The following VPS13B variants were observed in gnomAD, a reference collection of about 807,000 sequenced individuals.
The protein encoded by VPS13B is intermembrane lipid transfer protein VPS13B.
In VPS13B, 285 loss-of-function variants were observed where a neutral mutation model predicts 426.4. The observed-to-expected ratio is 0.67, with a 90% confidence interval of 0.61 to 0.74. The LOEUF (loss-of-function observed/expected upper bound fraction) is 0.74. Ranked by LOEUF, VPS13B falls within the 30% of genes least tolerant of loss-of-function variation. VPS13B has a pLI of 0.00. For missense variants in VPS13B, 4,537 were observed against 4,782.6 expected (o/e 0.95, Z 1.51); for synonymous variants, 1,676 against 1,676.4 (o/e 1.00, Z 0.01).
intron 2 of VPS13B, among the ~76,000 whole-genome samples, chr8:99,020,194 A>G (rs765656805): frequency 1.3e-4 from 19 of 151,862 alleles, no homozygotes; most frequent in Non-Finnish European, 2.4e-4. Context: ...GTATGAAATG[A>G]TATCTCAATG....
chr8:99,739,700 C>T (rs540965095), intron 39 of VPS13B, among the ~76,000 whole-genome samples: 9 of 152,242 alleles, frequency 5.9e-5, no homozygotes, highest in South Asian at 2.1e-4. Context: ...CTGCTGATAC[C>T]CAGGCAAACA....
At position 99,279,991 on chromosome 8, in the gene VPS13B, G is replaced by C. The variant is rs192875346; in HGVS notation, c.2824+4737G>C. Among the ~76,000 whole-genome samples, 4 of 152,198 alleles carry C rather than the reference G, an allele frequency of 2.6e-5. No individual in the cohort carries two copies. The South Asian group carries it at 6.2e-4, about 24-fold the overall frequency. On this transcript the variant is annotated intron_variant, in intron 19 of 61. Coordinates refer to ENST00000357162, the MANE Select transcript of VPS13B (RefSeq NM_152564.5). ...TCACTGTGTTAGCCAGGAAGGTCTC[G>C]ATCTCCTGACCTCGTGATCCACCTG...
intron 17 of VPS13B, chr8:99,234,213 C>T: frequency 1.3e-6 from 1 of 776,468 alleles, no homozygotes; most frequent in Admixed American, 1.7e-5. Flanking sequence ...AAACTGATGC[C>T]CGCTTAGCTC....
At chr8:99,715,963 T>A (rs1479586720) in intron 36 of VPS13B, among the ~76,000 whole-genome samples, 1 of 152,138 alleles carries the variant, frequency 6.6e-6, no homozygotes, top group Non-Finnish European at 1.5e-5. Flanking sequence ...CCTGTTTCTA[T>A]TTCTTTTATT....
At chr8:99,821,063 T>G (rs1250648040) in intron 49 of VPS13B, among the ~76,000 whole-genome samples, 3 of 93,872 alleles carry the variant, frequency 3.2e-5, no homozygotes. Context: ...AAAAAAAAAA[T>G]ACATTGGGAG....
rs545266731 is a variant in VPS13B, at chr8:99,137,277, A to G, written c.1651+525A>G. 2.6e-3 allele frequency among the ~76,000 whole-genome samples: 391 copies of G among 152,022 alleles called. 3 individuals are homozygous for G. The highest frequency in any genetic ancestry group is 9.1e-3 in the African/African-American group (378 of 41,502). ...TTTTTTTTTACTTCTATATCAATAT[A>G]TGATGTACTTACTATTTCAGTCTTT... On this transcript the variant is annotated intron_variant, in intron 12 of 61. Transcript: ENST00000357162.
intron 35 of VPS13B, among the ~76,000 whole-genome samples, chr8:99,684,166 T>TGTG (rs1205078818): frequency 6.6e-6 from 1 of 152,260 alleles, no homozygotes; most frequent in Non-Finnish European, 1.5e-5. Flanking sequence ...CTGTTTTAGT[T>TGTG]GTGGTACATC....
At chr8:99,454,936 T>C (rs777780982) in intron 23 of VPS13B, among the ~76,000 whole-genome samples, 1 of 152,122 alleles carries the variant, frequency 6.6e-6, no homozygotes, top group East Asian at 1.9e-4. Flanking sequence ...GATTGAGGGG[T>C]CTGTTAAGGT....
At chr8:99,299,760 A>C (rs530005334) in intron 19 of VPS13B, among the ~76,000 whole-genome samples, 5 of 152,204 alleles carry the variant, frequency 3.3e-5, no homozygotes, top group African/African-American at 1.2e-4. Context: ...AAATACAAAA[A>C]TTAGCTGAGC....
At chr8:99,827,827 AATTTC>A (rs1272955897) in intron 51 of VPS13B, among the ~76,000 whole-genome samples, 1 of 152,010 alleles carries the variant, frequency 6.6e-6, no homozygotes, top group Non-Finnish European at 1.5e-5. Context: ...TTTCTGCCTT[AATTTC>A]ATTAGTTACC....
At chr8:99,241,159 T>A (rs1203862834) in intron 17 of VPS13B, 1 of 152,258 alleles carries the variant, frequency 6.6e-6, no homozygotes, top group African/African-American at 2.4e-5. Context: ...TCTTTTTATA[T>A]GTACTTTGTG....
intron 5 of VPS13B, among the ~76,000 whole-genome samples, chr8:99,106,434 CA>C (rs71273163): frequency 3.9e-3 from 327 of 84,040 alleles, no homozygotes; most frequent in East Asian, 7.3e-3. Context: ...GACTCCACCT[CA>C]AAAAAAAAAA....
chr8:99,524,760 T>G (rs1221864578), intron 30 of VPS13B, among the ~76,000 whole-genome samples: 1 of 152,114 alleles, frequency 6.6e-6, no homozygotes, highest in Non-Finnish European at 1.5e-5. Flanking sequence ...ACCCCCACGC[T>G]CCAGCCTGGG....
At chr8:99,782,351 G>A (rs998616412) in intron 42 of VPS13B, among the ~76,000 whole-genome samples, 23 of 152,068 alleles carry the variant, frequency 1.5e-4, no homozygotes, top group Non-Finnish European at 2.4e-4. Flanking sequence ...TAAAGACGTG[G>A]TTGCTGCCCT....
chr8:99,850,269 G>A (rs1024229528), intron 55 of VPS13B, among the ~76,000 whole-genome samples: 1 of 131,566 alleles, frequency 7.6e-6, no homozygotes. Flanking sequence ...ACATAAGTAC[G>A]CATGTATGTA....
At chr8:99,665,900 T>C (rs1830466765) in intron 35 of VPS13B, among the ~76,000 whole-genome samples, 3 of 152,146 alleles carry the variant, frequency 2.0e-5, no homozygotes, top group African/African-American at 4.8e-5. Context: ...ATCTATAAAT[T>C]ACCTTGGGCA....
chr8:99,444,929 A>G (rs1413686964), intron 23 of VPS13B, among the ~76,000 whole-genome samples: 1 of 151,998 alleles, frequency 6.6e-6, no homozygotes, highest in Non-Finnish European at 1.5e-5. Context: ...GATTATAGGT[A>G]TTAGTCACCC....
At chr8:99,583,979 C>T (rs530450105) in intron 33 of VPS13B, among the ~76,000 whole-genome samples, 30 of 152,136 alleles carry the variant, frequency 2.0e-4, no homozygotes, top group African/African-American at 7.0e-4. Context: ...ATAGGGTGAC[C>T]TCCTATTGGT....
chr8:99,524,307 A>G (rs1822532777), intron 30 of VPS13B, among the ~76,000 whole-genome samples: 1 of 152,206 alleles, frequency 6.6e-6, no homozygotes, highest in African/African-American at 2.4e-5. Flanking sequence ...ATAGGAGTAG[A>G]AAGTTCATTC....
Sources: allele counts gnomAD v4.1 joint callset (sites outside exome capture counted in the v4.1 genomes callset), GRCh38; gene constraint gnomAD v4.1.1; transcripts MANE v1.5; gene names NCBI Gene and HGNC (gene_info 2026-07-23, HGNC 2026-07-21).